The following APBA1 variants were observed in gnomAD, a reference collection of about 807,000 sequenced individuals.
APBA1 encodes amyloid beta precursor protein binding family A member 1, also known as amyloid-beta A4 precursor protein-binding family A member 1.
Under a neutral mutation model 86.6 loss-of-function variants are expected in APBA1, and 55 were observed. The ratio of observed to expected loss-of-function variants is 0.64; its 90% CI spans 0.51 to 0.80. The LOEUF is 0.80. APBA1 is among the 30% of genes least tolerant of loss of function. The pLI, the probability that APBA1 is intolerant of heterozygous loss-of-function variation, is 0.00. For synonymous variants in APBA1, 511 were observed against 493.9 expected, an observed-to-expected ratio of 1.03 and a Z score of -0.46; for missense variants, 1,090 against 1,183.0, an observed-to-expected ratio of 0.92 and a Z score of 1.15.
intron 2 of APBA1, chr9:69,494,176 G>T (rs1206888710): frequency 2.6e-5 from 4 of 152,060 alleles, no homozygotes; most frequent in Non-Finnish European, 4.4e-5. Context: ...TGGGCTTAAT[G>T]AACTGTTTTA....
At chr9:69,644,683 G>A (rs1823356118) in intron 1 of APBA1, among the ~76,000 whole-genome samples, 1 of 152,162 alleles carries the variant, frequency 6.6e-6, no homozygotes, top group Non-Finnish European at 1.5e-5. Context: ...CAAATAACTG[G>A]TTTGAGTAGA....
chr9:69,456,135 A>C (rs1835092106), intron 8 of APBA1, 112 bp downstream of exon 8: 1 of 1,190,586 alleles, frequency 8.4e-7, no homozygotes, highest in South Asian at 1.3e-5. Flanking sequence ...TGCCTGACAC[A>C]CAGTACGTGC....
chr9:69,585,467 C>G (rs1821998905), intron 1 of APBA1, among the ~76,000 whole-genome samples: 1 of 152,186 alleles, frequency 6.6e-6, no homozygotes, highest in Non-Finnish European at 1.5e-5. Flanking sequence ...CCAATGTGCC[C>G]TGGAGAGAAG....
intron 2 of APBA1, among the ~76,000 whole-genome samples, chr9:69,476,665 T>G (rs1174963263): frequency 6.6e-6 from 1 of 152,242 alleles, no homozygotes; most frequent in Admixed American, 6.5e-5. Flanking sequence ...ATATTTTGTC[T>G]GATTTAGTCT....
chr9:69,658,272 C>CTTTCTTTCTT lies in APBA1; in HGVS notation c.-70+13871_-70+13880dup, dbSNP rs1387955964. On this transcript the variant is annotated intron_variant, in intron 1 of 12. Coordinates refer to ENST00000265381, the MANE Select transcript of APBA1 (RefSeq NM_001163.4). ...TCTTTCTTTCTTTCTTTCTTTCTTT[C>CTTTCTTTCTT]TTTCTTTCTTTCTCTCTCTCTTTCT... 1.3e-3 allele frequency among the ~76,000 whole-genome samples: 115 copies of CTTTCTTTCTT among 85,530 alleles called. 5 individuals carry two copies. Among genetic ancestry groups the CTTTCTTTCTT allele is most frequent in the Middle Eastern group, 5.2e-3 (1 of 192 alleles). 56.1% of individuals were successfully genotyped at this position (85,530 alleles called of 152,430 possible). A position where few individuals can be genotyped will look rare whatever the true frequency, so the allele number is the denominator to read the frequency against.
At chr9:69,467,695 A>G (rs1835300273) in intron 5 of APBA1, 128 bp downstream of exon 5, 1 of 1,288,574 alleles carries the variant, frequency 7.8e-7, no homozygotes, top group Non-Finnish European at 1.1e-6. Context: ...ATGGATAAGC[A>G]CTGCCTGTGT....
intron 7 of APBA1, among the ~76,000 whole-genome samples, 189 bp downstream of exon 7, chr9:69,456,864 T>G (rs1835106731): frequency 6.6e-6 from 1 of 152,186 alleles, no homozygotes; most frequent in Non-Finnish European, 1.5e-5. Context: ...GGGGTGTTTT[T>G]GGGCTTTAAG....
intron 11 of APBA1, among the ~76,000 whole-genome samples, chr9:69,439,982 T>C (rs192711464): frequency 2.0e-5 from 3 of 152,362 alleles, no homozygotes; most frequent in Non-Finnish European, 2.9e-5. Flanking sequence ...CCTTTCTGTT[T>C]GTTAGTTTTC....
chr9:69,668,363 C>T (rs997724112), intron 1 of APBA1, among the ~76,000 whole-genome samples: 13 of 152,190 alleles, frequency 8.5e-5, no homozygotes, highest in Non-Finnish European at 1.8e-4. Context: ...CCTCCCTTTT[C>T]CCTTCCTCAC....
chr9:69,518,755 C>T (rs1836207209), intron 1 of APBA1, among the ~76,000 whole-genome samples: 1 of 152,036 alleles, frequency 6.6e-6, no homozygotes, highest in Non-Finnish European at 1.5e-5. Context: ...TGATAACAGA[C>T]AACCCCAGGA....
chr9:69,452,795 A>T (rs1447474447), intron 8 of APBA1, among the ~76,000 whole-genome samples: 1 of 152,252 alleles, frequency 6.6e-6, no homozygotes, highest in Non-Finnish European at 1.5e-5. Context: ...ATTTTGCTTC[A>T]TTCAGTACTT....
chr9:69,448,920 A>C (rs1467997987), intron 10 of APBA1, among the ~76,000 whole-genome samples: 1 of 152,204 alleles, frequency 6.6e-6, no homozygotes, highest in Non-Finnish European at 1.5e-5. Context: ...TGTCTAAAGA[A>C]AATCTCATTT....
chr9:69,570,146 A>G (rs890547118), intron 1 of APBA1, among the ~76,000 whole-genome samples: 5 of 152,216 alleles, frequency 3.3e-5, no homozygotes, highest in African/African-American at 9.7e-5. Flanking sequence ...AAGGCTACTG[A>G]ACACATTTTA....
chr9:69,540,217 T>C (rs915039460), intron 1 of APBA1, among the ~76,000 whole-genome samples: 1 of 152,156 alleles, frequency 6.6e-6, no homozygotes, highest in Non-Finnish European at 1.5e-5. Flanking sequence ...TCTCCATCAC[T>C]ATCTGCTTAC....
chr9:69,618,102 G>A lies in APBA1; in HGVS notation c.-70+54051C>T, dbSNP rs571713906. On this transcript the variant is annotated intron_variant, in intron 1 of 12. Coordinates refer to ENST00000265381, the MANE Select transcript of APBA1 (RefSeq NM_001163.4). ...CTGAATAGTGTTGTTTGCCTCAGGTGTGGGATGGGATAATGGCGCCATGCA... is the reference window on the plus strand; with the variant it reads ...CTGAATAGTGTTGTTTGCCTCAGGTATGGGATGGGATAATGGCGCCATGCA... 5.3e-5 allele frequency among the ~76,000 whole-genome samples: 8 copies of A among 152,316 alleles called. No homozygotes were observed. The South Asian group carries it at 1.5e-3, about 28-fold the overall frequency.
At chr9:69,505,776 G>T (rs1471533360) in intron 2 of APBA1, among the ~76,000 whole-genome samples, 1 of 152,016 alleles carries the variant, frequency 6.6e-6, no homozygotes, top group Non-Finnish European at 1.5e-5. Flanking sequence ...CCAGTATTTT[G>T]GGAGGCTGAA....
intron 1 of APBA1, among the ~76,000 whole-genome samples, chr9:69,577,720 T>C (rs145785350): frequency 1.1e-4 from 16 of 152,320 alleles, no homozygotes; most frequent in African/African-American, 3.6e-4. Flanking sequence ...AATAAATACA[T>C]ATATTAGTAT....
At chr9:69,547,460 A>C (rs569107207) in intron 1 of APBA1, among the ~76,000 whole-genome samples, 1 of 152,306 alleles carries the variant, frequency 6.6e-6, no homozygotes, top group South Asian at 2.1e-4. Flanking sequence ...ATATCTCCTC[A>C]ACCAGAAATG....
chr9:69,615,182 AGAGT>A (rs1454358373), intron 1 of APBA1, among the ~76,000 whole-genome samples: 40 of 152,246 alleles, frequency 2.6e-4, no homozygotes, highest in Non-Finnish European at 5.7e-4. Context: ...CCTGGGCGAC[AGAGT>A]GAGACCCTGG....
Sources: allele counts gnomAD v4.1 joint callset (sites outside exome capture counted in the v4.1 genomes callset), GRCh38; gene constraint gnomAD v4.1.1; transcripts MANE v1.5; gene names NCBI Gene and HGNC (gene_info 2026-07-23, HGNC 2026-07-21).